MYZAP: variants seen among roughly 807,000 people sequenced by gnomAD.
MYZAP encodes myocardial zonula adherens protein, also known as GRINL1A complex locus upstream.
MYZAP carries 66 observed loss-of-function variants against 69.4 expected under a neutral mutation model. The observed-to-expected ratio is 0.95, with a 90% CI of 0.78 to 1.17. The LOEUF is 1.17. Among genes scored for constraint, MYZAP ranks in the 50% most tolerant of loss-of-function variants. MYZAP has a pLI of 0.00. For synonymous variants in MYZAP, 256 were observed against 205.9 expected, an observed-to-expected ratio of 1.24 and a Z score of -2.09; for missense variants, 611 against 556.2, an observed-to-expected ratio of 1.10 and a Z score of -0.99.
intron 9 of MYZAP, among the ~76,000 whole-genome samples, chr15:57,638,025 T>G (rs960857117): frequency 2.0e-5 from 3 of 152,204 alleles, no homozygotes; most frequent in Admixed American, 6.5e-5. Flanking sequence ...GTGCAAAAGT[T>G]TGGTCTATTA....
chr15:57,635,375 G>A (rs1328100250), intron 8 of MYZAP, among the ~76,000 whole-genome samples: 1 of 152,178 alleles, frequency 6.6e-6, no homozygotes, highest in Admixed American at 6.5e-5. Context: ...CTCAGAGTCA[G>A]GTTGTCTTTA....
At chr15:57,677,428 C>T (rs1421834766) in intron 12 of MYZAP, among the ~76,000 whole-genome samples, 1 of 152,162 alleles carries the variant, frequency 6.6e-6, no homozygotes, top group Non-Finnish European at 1.5e-5. Context: ...AGCCACATAG[C>T]CAGAATTAGA....
intron 10 of MYZAP, chr15:57,646,938 G>A (rs1414824444): frequency 2.0e-6 from 2 of 985,430 alleles, no homozygotes; most frequent in African/African-American, 3.5e-5. Flanking sequence ...GATTGCTGCA[G>A]GCATTGGTGT....
At chr15:57,656,362 A>C (rs558947233) in intron 10 of MYZAP, among the ~76,000 whole-genome samples, 1 of 152,354 alleles carries the variant, frequency 6.6e-6, no homozygotes, top group African/African-American at 2.4e-5. Context: ...CTCACAGCCT[A>C]GGGAAGGAGA....
At chr15:57,649,142 T>C (rs1212511678) in intron 10 of MYZAP, among the ~76,000 whole-genome samples, 1 of 152,224 alleles carries the variant, frequency 6.6e-6, no homozygotes, top group Non-Finnish European at 1.5e-5. Flanking sequence ...TGTAACTTAT[T>C]TATCCTATTG....
At chr15:57,648,581 C>A in intron 10 of MYZAP, 2 of 553,268 alleles carry the variant, frequency 3.6e-6, no homozygotes, top group Non-Finnish European at 4.6e-6. Flanking sequence ...AAATAAGTAG[C>A]TGGCAGTCTC....
intron 9 of MYZAP, among the ~76,000 whole-genome samples, chr15:57,639,115 T>G (rs1315714330): frequency 6.6e-6 from 1 of 152,246 alleles, no homozygotes; most frequent in Non-Finnish European, 1.5e-5. Flanking sequence ...AGAGTTTGAT[T>G]TCTTGTTCTT....
chr15:57,673,253 G>T (rs2038952901), intron 11 of MYZAP, among the ~76,000 whole-genome samples: 2 of 152,248 alleles, frequency 1.3e-5, no homozygotes, highest in East Asian at 3.9e-4. Flanking sequence ...CTACCTATAG[G>T]TATTAGACCC....
intron 1 of MYZAP, chr15:57,599,682 C>G (rs767847050): frequency 7.8e-7 from 1 of 1,289,156 alleles, no homozygotes; most frequent in Non-Finnish European, 1.0e-6. Context: ...CCATGGAGAT[C>G]AGCCTCGTAA....
At chr15:57,633,004 C>T (rs916610613) in intron 7 of MYZAP, among the ~76,000 whole-genome samples, 1 of 152,160 alleles carries the variant, frequency 6.6e-6, no homozygotes. Context: ...CATTATCTGT[C>T]CTTAGGAAGC....
intron 10 of MYZAP, among the ~76,000 whole-genome samples, chr15:57,643,703 G>A (rs1419706266): frequency 6.6e-6 from 1 of 151,420 alleles, no homozygotes; most frequent in Non-Finnish European, 1.5e-5. Flanking sequence ...ATATTGTTTA[G>A]CTGAATAAAC....
intron 12 of MYZAP, among the ~76,000 whole-genome samples, chr15:57,679,556 T>C (rs2039326965): frequency 6.6e-6 from 1 of 152,090 alleles, no homozygotes; most frequent in South Asian, 2.1e-4. Flanking sequence ...CAATCCTTCC[T>C]AAGAAGAAAG....
Position 57,634,663 on chromosome 15 carries a change from C to G in MYZAP, c.933+922C>G, listed in dbSNP as rs192326562. Reference sequence around the variant, plus strand: ...TGTCCCCTCATAAGGCGAGGTGTCGCCACTATGGGAACTGCATGAAATTCA... The same window carrying G: ...TGTCCCCTCATAAGGCGAGGTGTCGGCACTATGGGAACTGCATGAAATTCA... On this transcript the variant is annotated intron_variant, in intron 8 of 12. Coordinates refer to ENST00000267853, the MANE Select transcript of MYZAP (RefSeq NM_001018100.5). 3.9e-5 allele frequency among the ~76,000 whole-genome samples: 6 copies of G among 152,314 alleles called. No individual in the cohort carries two copies. In the East Asian group the frequency reaches 9.6e-4, roughly 24 times the overall value.
At chr15:57,599,693 A>C (rs2034293090) in intron 1 of MYZAP, 1 of 1,288,734 alleles carries the variant, frequency 7.8e-7, no homozygotes. Context: ...AGCCTCGTAA[A>C]ATGCTCGGAG....
At chr15:57,645,462 G>C (rs2037395099) in intron 10 of MYZAP, among the ~76,000 whole-genome samples, 1 of 152,176 alleles carries the variant, frequency 6.6e-6, no homozygotes, top group Non-Finnish European at 1.5e-5. Context: ...ATAGCAACAA[G>C]TATGGACTTT....
At chr15:57,599,688 C>T (rs549329133) in intron 1 of MYZAP, 51 of 1,289,130 alleles carry the variant, frequency 4.0e-5, no homozygotes, top group Middle Eastern at 2.1e-4. Context: ...AGATCAGCCT[C>T]GTAAAATGCT....
chr15:57,595,577 C>A (rs748612829), intron 1 of MYZAP, among the ~76,000 whole-genome samples: 10 of 151,384 alleles, frequency 6.6e-5, no homozygotes, highest in Non-Finnish European at 1.5e-4. Flanking sequence ...ACAAAGCACA[C>A]AACCGGGTCA....
At chr15:57,637,428 AC>A (rs1595895306) in intron 8 of MYZAP, among the ~76,000 whole-genome samples, 1 of 152,298 alleles carries the variant, frequency 6.6e-6, no homozygotes, top group East Asian at 1.9e-4. Flanking sequence ...ATAAATTTTC[AC>A]TGATCCTGGG....
intron 11 of MYZAP, among the ~76,000 whole-genome samples, chr15:57,665,664 G>A (rs2038532681): frequency 6.6e-6 from 1 of 152,158 alleles, no homozygotes; most frequent in Admixed American, 6.5e-5. Flanking sequence ...CACTGTGCTG[G>A]AGCTGCTTCA....
Sources: allele counts gnomAD v4.1 joint callset (sites outside exome capture counted in the v4.1 genomes callset), GRCh38; gene constraint gnomAD v4.1.1; transcripts MANE v1.5; gene names NCBI Gene and HGNC (gene_info 2026-07-23, HGNC 2026-07-21).